The following NLGN1 variants were observed in gnomAD, a reference collection of about 807,000 sequenced individuals.
NLGN1 encodes the protein neuroligin-1.
NLGN1 carries 12 observed loss-of-function variants against 65.5 expected under a neutral mutation model. That is an observed-to-expected ratio of 0.18 (90% CI 0.12 to 0.30). The LOEUF is 0.30. NLGN1 is among the 10% of genes least tolerant of loss of function. The probability of loss-of-function intolerance (pLI) is 1.00; values close to 1 mark genes in which losing one functional copy is unlikely to be tolerated. For missense variants in NLGN1, 750 were observed against 1,007.1 expected (o/e 0.74, Z 3.46); for synonymous variants, 350 against 359.5 (o/e 0.97, Z 0.30).
intron 4 of NLGN1, among the ~76,000 whole-genome samples, chr3:173,818,046 A>G (rs1719396628): frequency 6.6e-6 from 1 of 152,164 alleles, no homozygotes; most frequent in Admixed American, 6.6e-5. Flanking sequence ...ATAAACAAAA[A>G]TATATTTAGC....
intron 4 of NLGN1, among the ~76,000 whole-genome samples, chr3:174,145,830 A>T (rs1482391678): frequency 6.6e-6 from 1 of 152,236 alleles, no homozygotes; most frequent in Admixed American, 6.5e-5. Context: ...CTTCACTTTT[A>T]CCTAAAATAT....
chr3:173,404,368 CA>C (rs774966911), intron 1 of NLGN1, among the ~76,000 whole-genome samples: 33 of 152,124 alleles, frequency 2.2e-4, no homozygotes, highest in Non-Finnish European at 4.0e-4. Flanking sequence ...GCCTTCTGAG[CA>C]TCTCATCATT....
intron 2 of NLGN1, among the ~76,000 whole-genome samples, chr3:173,437,360 C>T (rs1267499216): frequency 3.3e-5 from 5 of 152,154 alleles, no homozygotes; most frequent in African/African-American, 1.2e-4. Context: ...GACCTGATTA[C>T]TCACTGTGAC....
At chr3:173,682,446 G>A (rs182266483) in intron 3 of NLGN1, among the ~76,000 whole-genome samples, 42 of 151,818 alleles carry the variant, frequency 2.8e-4, no homozygotes, top group African/African-American at 7.2e-4. Flanking sequence ...AAAATTAGCC[G>A]GGTATGGTGG....
intron 4 of NLGN1, among the ~76,000 whole-genome samples, chr3:173,939,277 A>G (rs1217175264): frequency 6.6e-6 from 1 of 152,210 alleles, no homozygotes; most frequent in Non-Finnish European, 1.5e-5. Flanking sequence ...AACCATCAAC[A>G]TTGATTTTCC....
intron 4 of NLGN1, among the ~76,000 whole-genome samples, chr3:173,989,315 C>G (rs1361967719): frequency 1.3e-5 from 2 of 152,228 alleles, no homozygotes; most frequent in East Asian, 3.9e-4. Flanking sequence ...GCTAAGAGAC[C>G]TTGAAAAACT....
chr3:173,688,845 ATTTTC>A (rs1765050201), intron 3 of NLGN1, among the ~76,000 whole-genome samples: 1 of 152,060 alleles, frequency 6.6e-6, no homozygotes, highest in South Asian at 2.1e-4. Flanking sequence ...ACCTCCTCCA[ATTTTC>A]TTTTCTTTCA....
At chr3:174,065,440 A>G (rs1413258386) in intron 4 of NLGN1, among the ~76,000 whole-genome samples, 1 of 152,090 alleles carries the variant, frequency 6.6e-6, no homozygotes, top group Non-Finnish European at 1.5e-5. Context: ...AAATATTCTC[A>G]AAACACATAA....
At chr3:173,586,006 A>C (rs1041611384) in intron 2 of NLGN1, among the ~76,000 whole-genome samples, 1 of 152,216 alleles carries the variant, frequency 6.6e-6, no homozygotes, top group Non-Finnish European at 1.5e-5. Flanking sequence ...ATTATTCTGA[A>C]GTAATTTTGG....
intron 4 of NLGN1, among the ~76,000 whole-genome samples, chr3:173,861,174 A>G (rs1728992477): frequency 6.6e-6 from 1 of 152,184 alleles, no homozygotes; most frequent in Non-Finnish European, 1.5e-5. Context: ...TTAAAACTTG[A>G]TGACATAAAA....
At chr3:173,621,978 A>G (rs1484549087) in intron 3 of NLGN1, among the ~76,000 whole-genome samples, 2 of 152,102 alleles carry the variant, frequency 1.3e-5, no homozygotes, top group African/African-American at 4.8e-5. Context: ...TATTAACCTC[A>G]TCAATTCAAA....
At chr3:173,401,859 T>C (rs1717764459) in intron 1 of NLGN1, among the ~76,000 whole-genome samples, 1 of 152,230 alleles carries the variant, frequency 6.6e-6, no homozygotes, top group South Asian at 2.1e-4. Context: ...ACATGCTAAA[T>C]GTTAATAAAG....
At chr3:174,023,593 C>T (rs1009523304) in intron 4 of NLGN1, among the ~76,000 whole-genome samples, 1 of 152,058 alleles carries the variant, frequency 6.6e-6, no homozygotes, top group Non-Finnish European at 1.5e-5. Context: ...AATTCTCTGC[C>T]CTCTGCAAAC....
intron 4 of NLGN1, among the ~76,000 whole-genome samples, chr3:174,256,446 T>A (rs1220616827): frequency 1.3e-5 from 2 of 152,210 alleles, no homozygotes; most frequent in Non-Finnish European, 2.9e-5. Flanking sequence ...CATATTACCA[T>A]GCTGTTTCCA....
At chr3:174,080,684 T>G (rs560724845) in intron 4 of NLGN1, among the ~76,000 whole-genome samples, 1 of 152,130 alleles carries the variant, frequency 6.6e-6, no homozygotes, top group African/African-American at 2.4e-5. Flanking sequence ...TTTTGCCTCT[T>G]AGTGTGCATG....
At chr3:173,775,131 A>T (rs1403403269) in intron 3 of NLGN1, among the ~76,000 whole-genome samples, 1 of 152,146 alleles carries the variant, frequency 6.6e-6, no homozygotes, top group Non-Finnish European at 1.5e-5. Context: ...ACAATCAAAT[A>T]TGCTTCTGTT....
At position 174,019,189 on chromosome 3, in the gene NLGN1, G is replaced by A. The variant is rs186901942; in HGVS notation, c.646+211357G>A. Among the ~76,000 whole-genome samples the A allele has an allele frequency of 6.3e-4, 96 of 152,212 alleles. 1 individual carries two copies. The East Asian group carries it at 0.017, about 27-fold the overall frequency. ...AGTGGCTTACAAAATTATGAGTATA[G>A]TATTGCTATGGTTTGAATGTGTCCC... On this transcript the variant is annotated intron_variant, in intron 4 of 6. Coordinates refer to ENST00000457714, the Ensembl canonical transcript of NLGN1.
At chr3:174,012,889 T>C (rs186203714) in intron 4 of NLGN1, among the ~76,000 whole-genome samples, 66 of 152,278 alleles carry the variant, frequency 4.3e-4, no homozygotes, top group Middle Eastern at 6.8e-3. Context: ...TTCAATTTCT[T>C]TGAGGATTTT....
chr3:173,660,519 T>C (rs994979206), intron 3 of NLGN1, among the ~76,000 whole-genome samples: 1 of 151,934 alleles, frequency 6.6e-6, no homozygotes, highest in African/African-American at 2.4e-5. Flanking sequence ...ATTGAAACTA[T>C]TAAATTGCTT....
Sources: allele counts gnomAD v4.1 joint callset (sites outside exome capture counted in the v4.1 genomes callset), GRCh38; gene constraint gnomAD v4.1.1; transcripts MANE v1.5; gene names NCBI Gene and HGNC (gene_info 2026-07-23, HGNC 2026-07-21).